The following TCEA1 variants were observed in gnomAD, a reference collection of about 807,000 sequenced individuals.
TCEA1 encodes transcription elongation factor A protein 1.
TCEA1 carries 21 observed loss-of-function variants against 43.8 expected under a neutral mutation model. The ratio of observed to expected loss-of-function variants is 0.48; its 90% CI spans 0.34 to 0.69. The LOEUF (loss-of-function observed/expected upper bound fraction) is 0.69, where lower values mean the gene tolerates loss of function less well. Among genes scored for constraint, TCEA1 ranks in the 30% least tolerant of loss-of-function variants. TCEA1 has a pLI of 0.01. For missense variants in TCEA1, 250 were observed against 365.1 expected (o/e 0.68, Z 2.57); for synonymous variants, 104 against 117.5 (o/e 0.88, Z 0.75).
rs1417471278 is a variant in TCEA1, at chr8:53,987,039, T to A, written c.467-14A>T. ...CAATGTAGTCATCTAAAAATAGGCA[T>A]AAAGAATTGTCAAATTATTGTAACA... On this transcript the variant is annotated splice_polypyrimidine_tract_variant and intron_variant, in intron 5 of 9. Coordinates refer to ENST00000521604, the MANE Select transcript of TCEA1 (RefSeq NM_006756.4). 2 of 1,580,192 alleles carry A rather than the reference T, an allele frequency of 1.3e-6. No homozygotes were observed. The highest frequency in any genetic ancestry group is 1.7e-6 in the Non-Finnish European group (2 of 1,164,250).
At chr8:54,019,164 G>C (rs183783871) in intron 1 of TCEA1, among the ~76,000 whole-genome samples, 1 of 152,286 alleles carries the variant, frequency 6.6e-6, no homozygotes, top group Admixed American at 6.5e-5. Context: ...TATGGTTTTA[G>C]TAAAACAAAA....
At chr8:54,004,108 T>C (rs1188853555) in intron 2 of TCEA1, among the ~76,000 whole-genome samples, 2 of 152,116 alleles carry the variant, frequency 1.3e-5, no homozygotes, top group Non-Finnish European at 2.9e-5. Context: ...CCCACTACAA[T>C]AGCTATAATC....
In TCEA1 at chr8:54,022,334, G is replaced by A. The variant is rs555818908; in HGVS notation, c.-209C>T. 3 of 609,722 alleles carry A rather than the reference G, an allele frequency of 4.9e-6. No individual in the cohort carries two copies. Among genetic ancestry groups the A allele is most frequent in the South Asian group, 3.8e-5 (2 of 52,952 alleles). 37.8% of individuals were successfully genotyped at this position (609,722 alleles called of 1,614,324 possible). On this transcript the variant is annotated 5_prime_UTR_variant, in exon 1 of 10. Coordinates refer to ENST00000521604, the MANE Select transcript of TCEA1 (RefSeq NM_006756.4). ...TCCTCCTCCCCAGGCAGCGACAATC[G>A]AACACCGCGCGCGACGTGCAGGCGC... is the stretch of plus-strand genomic sequence containing the variant.
chr8:54,011,326 G>A (rs777783096), intron 1 of TCEA1, among the ~76,000 whole-genome samples: 2 of 152,158 alleles, frequency 1.3e-5, no homozygotes, highest in Non-Finnish European at 2.9e-5. Flanking sequence ...TTTCATAGAA[G>A]AATCCACAAA....
At chr8:54,021,820 T>C in intron 1 of TCEA1, 2 of 376,450 alleles carry the variant, frequency 5.3e-6, no homozygotes, top group Non-Finnish European at 9.3e-6. Flanking sequence ...ATCGATTAGG[T>C]TTATTACACG....
intron 8 of TCEA1, among the ~76,000 whole-genome samples, chr8:53,976,267 G>C (rs1486087774): frequency 6.6e-6 from 1 of 152,146 alleles, no homozygotes; most frequent in Non-Finnish European, 1.5e-5. Context: ...AGGCCCAAAG[G>C]AAGACAAAGC....
chr8:54,015,238 C>G (rs1804786364), intron 1 of TCEA1, among the ~76,000 whole-genome samples: 1 of 151,450 alleles, frequency 6.6e-6, no homozygotes, highest in African/African-American at 2.4e-5. Context: ...GGCGTGATCT[C>G]AGTTCGCTGC....
At chr8:53,982,058 C>T (rs1015989823) in intron 7 of TCEA1, among the ~76,000 whole-genome samples, 33 of 151,962 alleles carry the variant, frequency 2.2e-4, no homozygotes, top group African/African-American at 7.5e-4. Context: ...GCCACCATGC[C>T]CAACTGACTT....
chr8:54,022,276 C>T lies in TCEA1; in HGVS notation c.-151G>A. 1.1e-6 allele frequency: 1 copy of T among 883,748 alleles called. No individual in the cohort carries two copies. The highest frequency in any genetic ancestry group is 1.7e-6 in the Non-Finnish European group (1 of 590,524). 54.7% of individuals were successfully genotyped at this position (883,748 alleles called of 1,614,324 possible). ...GGCCCCCTTCCTTACGAACGAAGCC[C>T]GCGGCGGCGGCGGCGGCGGCGGCGG... On this transcript the variant is annotated 5_prime_UTR_variant, in exon 1 of 10. Transcript: ENST00000521604.
In TCEA1 at chr8:54,013,759, A is replaced by T. The variant is rs923686155; in HGVS notation, c.64-3267T>A. Among the ~76,000 whole-genome samples the T allele has an allele frequency of 5.3e-5, 8 of 152,108 alleles. 1 individual carries two copies. The highest frequency in any genetic ancestry group is 1.4e-4 in the African/African-American group (6 of 41,438). ...TGATGATCTGAATGAGTGAAATGCA[A>T]AACAGATAATCATACATTAATTCGG... On this transcript the variant is annotated intron_variant, in intron 1 of 9. Transcript: ENST00000521604.
At chr8:54,000,553 C>T (rs966360690) in intron 2 of TCEA1, among the ~76,000 whole-genome samples, 2 of 152,174 alleles carry the variant, frequency 1.3e-5, no homozygotes, top group Non-Finnish European at 2.9e-5. Context: ...TAATCAGAGA[C>T]ATTAAAATGC....
intron 1 of TCEA1, among the ~76,000 whole-genome samples, chr8:54,018,117 A>T (rs891008211): frequency 6.6e-6 from 1 of 152,234 alleles, no homozygotes; most frequent in African/African-American, 2.4e-5. Context: ...TCTGATATAG[A>T]TATCAAAGTT....
intron 1 of TCEA1, among the ~76,000 whole-genome samples, chr8:54,012,243 G>A (rs751595486): frequency 2.2e-4 from 33 of 152,278 alleles, no homozygotes; most frequent in African/African-American, 7.2e-4. Flanking sequence ...TCTATGCCAC[G>A]TAATGTGACT....
At chr8:53,971,927 C>G (rs1280444608) in intron 8 of TCEA1, 1 of 181,444 alleles carries the variant, frequency 5.5e-6, no homozygotes, top group Non-Finnish European at 1.1e-5. Context: ...AGATAGCTCC[C>G]AACATAAGTC....
chr8:53,977,082 G>C (rs1803355410), intron 8 of TCEA1, among the ~76,000 whole-genome samples: 1 of 152,180 alleles, frequency 6.6e-6, no homozygotes, highest in African/African-American at 2.4e-5. Flanking sequence ...CACTTTGGGA[G>C]GCTGAGACAG....
intron 3 of TCEA1, among the ~76,000 whole-genome samples, chr8:53,998,865 C>T (rs1467158793): frequency 1.3e-5 from 2 of 152,080 alleles, no homozygotes; most frequent in African/African-American, 4.8e-5. Context: ...AGAAGGGATA[C>T]CTGTATTCTT....
At chr8:53,971,798 C>CA (rs1311897882) in intron 8 of TCEA1, 7 of 235,138 alleles carry the variant, frequency 3.0e-5, no homozygotes, top group Non-Finnish European at 3.9e-5. Flanking sequence ...AAGAAATATT[C>CA]AAAAAAATCT....
chr8:53,994,387 A>G (rs1803981525), intron 3 of TCEA1, among the ~76,000 whole-genome samples: 2 of 152,250 alleles, frequency 1.3e-5, no homozygotes, highest in Non-Finnish European at 2.9e-5. Flanking sequence ...ATACACAGCA[A>G]TATTGTTTTT....
intron 1 of TCEA1, among the ~76,000 whole-genome samples, chr8:54,018,505 T>TA (rs1804913008): frequency 9.9e-5 from 15 of 152,224 alleles, no homozygotes; most frequent in Admixed American, 9.2e-4. Context: ...GAGAAACATT[T>TA]TAGTGATGAC....
Sources: allele counts gnomAD v4.1 joint callset (sites outside exome capture counted in the v4.1 genomes callset), GRCh38; gene constraint gnomAD v4.1.1; transcripts MANE v1.5; gene names NCBI Gene and HGNC (gene_info 2026-07-23, HGNC 2026-07-21).